Variants in SLC12A8 observed in about 807,000 individuals in gnomAD.
The protein encoded by SLC12A8 is solute carrier family 12 member 8.
In SLC12A8, 69 loss-of-function variants were observed where a neutral mutation model predicts 75.6. That is an observed-to-expected ratio of 0.91 (90% CI 0.75 to 1.11). The LOEUF (loss-of-function observed/expected upper bound fraction) is 1.11, where lower values mean the gene tolerates loss of function less well. Ranked by LOEUF, SLC12A8 falls within the 50% of genes most tolerant of loss-of-function variation. The pLI, the probability that SLC12A8 is intolerant of heterozygous loss-of-function variation, is 0.00. For missense variants in SLC12A8, 877 were observed against 896.7 expected, an observed-to-expected ratio of 0.98 and a Z score of 0.28; for synonymous variants, 365 against 372.8, an observed-to-expected ratio of 0.98 and a Z score of 0.24.
chr3:125,176,389 G>T (rs1289632100), intron 5 of SLC12A8, among the ~76,000 whole-genome samples: 3 of 152,046 alleles, frequency 2.0e-5, no homozygotes, highest in Admixed American at 1.3e-4. Context: ...TTAATAGCAA[G>T]AAAATAAAAG....
intron 2 of SLC12A8, among the ~76,000 whole-genome samples, chr3:125,205,758 G>T (rs956453200): frequency 3.9e-5 from 6 of 152,230 alleles, no homozygotes; most frequent in Admixed American, 2.6e-4. Flanking sequence ...TTTGGCATTT[G>T]GTCCCTTCCA....
At chr3:125,092,288 A>G (rs1403325924) in intron 10 of SLC12A8, 90 bp from the exon 11 acceptor site, 13 of 824,586 alleles carry the variant, frequency 1.6e-5, no homozygotes, top group Non-Finnish European at 2.4e-5. Flanking sequence ...CTCTTCCCCA[A>G]TTTTGTAACT....
In SLC12A8 at chr3:125,110,197, C is replaced by A; in HGVS notation, c.1051G>T (p.Gly351Ter). ...EKVIPALACL[G>*]QGKGPNKTPV... ...AAAAGAGGATTACTCACCCCTTGTC[C>A]CAGACAGGCAAGTGCAGGGATCACT... The change falls in exon 9 of 14, where the codon GGA (glycine) becomes TGA (stop). Residue 351 changes from glycine (G) to a stop codon, truncating the protein, a stop_gained. Transcript: ENST00000469902. LOFTEE classifies it high-confidence loss of function. 2 of 1,612,604 alleles carry A rather than the reference C, an allele frequency of 1.2e-6. No homozygotes were observed. Among genetic ancestry groups the A allele is most frequent in the Non-Finnish European group, 1.7e-6 (2 of 1,179,004 alleles).
chr3:125,198,460 C>T (rs1405409327), intron 2 of SLC12A8, among the ~76,000 whole-genome samples: 1 of 151,994 alleles, frequency 6.6e-6, no homozygotes, highest in African/African-American at 2.4e-5. Flanking sequence ...TGGTGAAACC[C>T]CACCTCTACT....
At chr3:125,190,973 T>A (rs947575738) in intron 2 of SLC12A8, among the ~76,000 whole-genome samples, 1 of 152,176 alleles carries the variant, frequency 6.6e-6, no homozygotes, top group African/African-American at 2.4e-5. Context: ...CTGGGGCTCA[T>A]GGTCATGAGC....
Position 125,084,122 on chromosome 3 carries a change from C to T in SLC12A8, c.1983-70G>A, listed in dbSNP as rs74281233. 39 of 1,315,668 alleles carry T rather than the reference C, an allele frequency of 3.0e-5. No individual in the cohort carries two copies. In the East Asian group the frequency reaches 8.7e-4, roughly 29 times the overall value. 81.5% of individuals were successfully genotyped at this position (1,315,668 alleles called of 1,614,324 possible). ...AGACTGAACAGTAGAGGTGAGTCTA[C>T]TGGGCATAAAGAAATTATCTGTAAA... On this transcript the variant is annotated intron_variant, in intron 13 of 13. Transcript: ENST00000469902.
Position 125,092,205 on chromosome 3 carries a change from A to C in SLC12A8, c.1706-7T>G. ...CTGGACTTCAGGAAGAAATCTAAAAAATAGCCAAAGATTTGGCTGCCAAAT... is the reference window on the plus strand; with the variant it reads ...CTGGACTTCAGGAAGAAATCTAAAACATAGCCAAAGATTTGGCTGCCAAAT... On this transcript the variant is annotated splice_polypyrimidine_tract_variant and splice_region_variant and intron_variant, in intron 10 of 13. Transcript: ENST00000469902. 6.2e-7 allele frequency: 1 copy of C among 1,607,652 alleles called. No individual in the cohort carries two copies. Among genetic ancestry groups the C allele is most frequent in the South Asian group, 1.1e-5 (1 of 90,846 alleles).
intron 4 of SLC12A8, among the ~76,000 whole-genome samples, chr3:125,179,195 C>T (rs1934601123): frequency 6.6e-6 from 1 of 152,154 alleles, no homozygotes; most frequent in Non-Finnish European, 1.5e-5. Context: ...GGCCTCTCCT[C>T]AACCTCTTTT....
Position 125,110,251 on chromosome 3 carries a change from G to A in SLC12A8, c.997C>T (p.Arg333Cys), listed in dbSNP as rs753503162. 2.5e-5 allele frequency: 41 copies of A among 1,613,798 alleles called. No homozygotes were observed. Among genetic ancestry groups the A allele is most frequent in the East Asian group, 4.5e-5 (2 of 44,892 alleles). Residue 333 changes from arginine (R) to cysteine (C), a missense_variant, in exon 9 of 14, where the codon CGC (arginine) becomes TGC (cysteine). Physicochemically the swap from Arg to Cys is radical, Grantham distance 180 (BLOSUM62 -3). Coordinates refer to ENST00000469902, the MANE Select transcript of SLC12A8 (RefSeq NM_024628.6). ...SCMGGLYGAPRILQCIAQEKV... is the reference protein window; with the variant it reads ...SCMGGLYGAPCILQCIAQEKV... Reference sequence around the variant, plus strand: ...TCCTGGGCAATGCACTGCAGGATGCGGGGAGCTCCATAAAGTCCTCCCATG... The same window carrying A: ...TCCTGGGCAATGCACTGCAGGATGCAGGGAGCTCCATAAAGTCCTCCCATG...
At chr3:125,098,554 CCACACACACA>C (rs3222429) in intron 10 of SLC12A8, among the ~76,000 whole-genome samples, 61 of 144,024 alleles carry the variant, frequency 4.2e-4, no homozygotes, top group African/African-American at 9.2e-4. Context: ...TGAATCTTCT[CCACACACACA>C]CACACACACA....
intron 5 of SLC12A8, among the ~76,000 whole-genome samples, chr3:125,166,316 A>G (rs658717): frequency 0.95 from 145,182 of 152,118 alleles, 69,465 homozygotes; most frequent in Non-Finnish European, 0.99. Flanking sequence ...CCCATACCCC[A>G]CCCCCATCTC....
chr3:125,102,178 G>C (rs1040759070), intron 10 of SLC12A8, among the ~76,000 whole-genome samples: 4 of 152,206 alleles, frequency 2.6e-5, no homozygotes, highest in Non-Finnish European at 4.4e-5. Context: ...AGGGGTGAAA[G>C]TGGGTCTTAA....
chr3:125,110,112 A>G (rs1474682945), intron 9 of SLC12A8, 77 bp downstream of exon 9: 6 of 1,462,178 alleles, frequency 4.1e-6, no homozygotes, highest in African/African-American at 1.4e-5. Flanking sequence ...GAAAAGCTTA[A>G]CCAATTGATG....
chr3:125,089,089 T>C (rs1938527996), intron 12 of SLC12A8, among the ~76,000 whole-genome samples: 1 of 152,254 alleles, frequency 6.6e-6, no homozygotes. Flanking sequence ...TATACATACA[T>C]ATGATTGAAA....
chr3:125,120,961 C>T, intron 6 of SLC12A8: 1 of 671,298 alleles, frequency 1.5e-6, no homozygotes, highest in Non-Finnish European at 2.7e-6. Flanking sequence ...GCAAAGCAAC[C>T]AGGGGGGAGG....
chr3:125,199,063 C>T (rs533950307), intron 2 of SLC12A8, among the ~76,000 whole-genome samples: 8 of 152,132 alleles, frequency 5.3e-5, no homozygotes, highest in South Asian at 2.1e-4. Context: ...TAGGCGTGAG[C>T]CACCATGCCC....
chr3:125,194,779 T>C (rs1934974380), intron 2 of SLC12A8, among the ~76,000 whole-genome samples: 1 of 152,262 alleles, frequency 6.6e-6, no homozygotes, highest in South Asian at 2.1e-4. Context: ...CTGCAGAGAC[T>C]GGTTCCACCT....
chr3:125,165,614 C>T (rs554121891), intron 5 of SLC12A8, among the ~76,000 whole-genome samples: 8 of 152,344 alleles, frequency 5.3e-5, no homozygotes, highest in South Asian at 2.1e-4. Context: ...AGATGTTCCC[C>T]ATGGGGGCAT....
chr3:125,190,507 C>G lies in SLC12A8; in HGVS notation c.66G>C (p.Gln22His), dbSNP rs758907354. Residue 22 changes from glutamine (Q) to histidine (H), a missense_variant, in exon 3 of 14, where the codon CAG becomes CAC. By Grantham distance (24) the Gln-to-His change is conservative. Transcript: ENST00000469902. ...GCTGGGTCTTCCACCAGGGCTGGGG[C>G]TGGGCCAGGGCATCCTGCAAACAGA... ...HEAAQQDALA[Q>H]PQPWWKTQLF... 33 of 1,613,980 alleles carry G rather than the reference C, an allele frequency of 2.0e-5. No homozygotes were observed. The Middle Eastern group carries it at 1.6e-3, about 80-fold the overall frequency.
Sources: allele counts gnomAD v4.1 joint callset (sites outside exome capture counted in the v4.1 genomes callset), GRCh38; gene constraint gnomAD v4.1.1; transcripts MANE v1.5; gene names NCBI Gene and HGNC (gene_info 2026-07-23, HGNC 2026-07-21).